The following AKAP6 variants were observed in gnomAD, a reference collection of about 807,000 sequenced individuals.
The protein encoded by AKAP6 is A-kinase anchor protein 6.
In AKAP6, 58 loss-of-function variants were observed where a neutral mutation model predicts 188.5. That is an observed-to-expected ratio of 0.31 (90% CI 0.25 to 0.38). The LOEUF (loss-of-function observed/expected upper bound fraction) is 0.38. Among genes scored for constraint, AKAP6 ranks in the 10% least tolerant of loss-of-function variants. The probability of loss-of-function intolerance (pLI) is 1.00; values close to 1 mark genes in which losing one functional copy is unlikely to be tolerated. For missense variants in AKAP6, 2,710 were observed against 2,740.0 expected, an observed-to-expected ratio of 0.99 and a Z score of 0.24; for synonymous variants, 989 against 998.6, an observed-to-expected ratio of 0.99 and a Z score of 0.18.
At chr14:32,743,101 C>A (rs1022161278) in intron 11 of AKAP6, among the ~76,000 whole-genome samples, 1 of 151,956 alleles carries the variant, frequency 6.6e-6, no homozygotes, top group Admixed American at 6.6e-5. Context: ...CTGAATTGAC[C>A]CCTTTATCAT....
At chr14:32,613,174 T>G (rs762475100) in intron 7 of AKAP6, among the ~76,000 whole-genome samples, 53 of 152,352 alleles carry the variant, frequency 3.5e-4, no homozygotes, top group Admixed American at 7.2e-4. Flanking sequence ...TCTCTCTGTT[T>G]TATACTAGAC....
At chr14:32,612,416 A>G (rs918423143) in intron 7 of AKAP6, among the ~76,000 whole-genome samples, 1 of 152,184 alleles carries the variant, frequency 6.6e-6, no homozygotes, top group Non-Finnish European at 1.5e-5. Context: ...TTTTAAAGCT[A>G]AAGACAGAAC....
intron 2 of AKAP6, among the ~76,000 whole-genome samples, chr14:32,482,371 AG>A (rs1879397516): frequency 6.7e-6 from 1 of 148,880 alleles, no homozygotes; most frequent in Non-Finnish European, 1.5e-5. Flanking sequence ...CATACTTTTG[AG>A]CTTTTGCACT....
chr14:32,783,347 G>GT (rs1175884659), intron 12 of AKAP6, among the ~76,000 whole-genome samples: 1 of 152,022 alleles, frequency 6.6e-6, no homozygotes, highest in Non-Finnish European at 1.5e-5. Context: ...ATAATAAAGG[G>GT]TAACGAGAAA....
intron 2 of AKAP6, among the ~76,000 whole-genome samples, chr14:32,441,740 A>G (rs1194489568): frequency 1.3e-5 from 2 of 152,230 alleles, no homozygotes; most frequent in Non-Finnish European, 2.9e-5. Context: ...TTATTTGTCA[A>G]GGTGGCTCAG....
intron 1 of AKAP6, among the ~76,000 whole-genome samples, chr14:32,356,503 C>T (rs530763103): frequency 6.6e-6 from 1 of 152,212 alleles, no homozygotes; most frequent in Admixed American, 6.5e-5. Flanking sequence ...TTGTTCCCTT[C>T]AGTACTCCCT....
intron 7 of AKAP6, among the ~76,000 whole-genome samples, chr14:32,645,468 A>G (rs916255225): frequency 3.3e-5 from 5 of 152,206 alleles, no homozygotes; most frequent in African/African-American, 4.8e-5. Context: ...AATTTTTTAC[A>G]GACGGAGTCT....
intron 7 of AKAP6, among the ~76,000 whole-genome samples, chr14:32,667,656 A>G (rs923718049): frequency 2.0e-5 from 3 of 152,158 alleles, no homozygotes; most frequent in African/African-American, 7.2e-5. Context: ...GGATATAGGC[A>G]CTGAGCTGAG....
intron 1 of AKAP6, among the ~76,000 whole-genome samples, chr14:32,382,255 C>T (rs892159956): frequency 6.6e-6 from 1 of 151,006 alleles, no homozygotes; most frequent in Non-Finnish European, 1.5e-5. Flanking sequence ...CTGCTTGGAG[C>T]CTACCCCTCT....
At chr14:32,715,813 A>G (rs2030164995) in intron 9 of AKAP6, among the ~76,000 whole-genome samples, 2 of 151,956 alleles carry the variant, frequency 1.3e-5, no homozygotes, top group African/African-American at 4.8e-5. Flanking sequence ...TCAATGTTTC[A>G]TATAGTGAAG....
rs1308996401 is a variant in AKAP6, at chr14:32,577,167, C to T, written c.2394C>T (p.Ala798=). 3 of 1,612,102 alleles carry T rather than the reference C, an allele frequency of 1.9e-6. No homozygotes were observed. The highest frequency in any genetic ancestry group is 1.1e-5 in the South Asian group (1 of 90,816). The change falls in exon 5 of 14, where the codon GCC becomes GCT. Residue 798 remains alanine, a synonymous_variant. Coordinates refer to ENST00000280979, the MANE Select transcript of AKAP6 (RefSeq NM_004274.5). ...AATTCATTCAATGGTTAAATGAAGC[C>T]ATGGAAACTACAGAAAATTGGACTC... ...LDEFIQWLNE[A]METTENWTPP...
rs570575900 is a variant in AKAP6, at chr14:32,329,318, A to G, written c.-125A>G. On this transcript the variant is annotated 5_prime_UTR_variant, in exon 1 of 14. Coordinates refer to ENST00000280979, the MANE Select transcript of AKAP6 (RefSeq NM_004274.5). ...GCATCATCTGAACTGATGTCACAGCATCATGCAGCAGGTCAAACAAGGCAT... is the reference window on the plus strand; with the variant it reads ...GCATCATCTGAACTGATGTCACAGCGTCATGCAGCAGGTCAAACAAGGCAT... 1 of 152,282 alleles carries G rather than the reference A, an allele frequency of 6.6e-6. No homozygotes were observed. The highest frequency in any genetic ancestry group is 2.1e-4 in the South Asian group (1 of 4,828). 9.4% of individuals were successfully genotyped at this position (152,282 alleles called of 1,614,324 possible).
At chr14:32,619,887 C>T (rs773172506) in intron 7 of AKAP6, among the ~76,000 whole-genome samples, 1 of 151,948 alleles carries the variant, frequency 6.6e-6, no homozygotes, top group Non-Finnish European at 1.5e-5. Flanking sequence ...GATTTTTCAC[C>T]TCCTTGGTTA....
rs931574125 is a variant in AKAP6 at position 32,573,250 on chromosome 14, T to C, written c.2347-3870T>C. Among the ~76,000 whole-genome samples, 68 of 152,220 alleles carry C rather than the reference T, an allele frequency of 4.5e-4. 2 individuals are homozygous for C. Among genetic ancestry groups the C allele is most frequent in the Admixed American group, 2.6e-4 (4 of 15,284 alleles). On this transcript the variant is annotated intron_variant, in intron 4 of 13. Coordinates refer to ENST00000280979, the MANE Select transcript of AKAP6 (RefSeq NM_004274.5). ...CCTTTCAAAGGTTTGTAATTCAGCC[T>C]GTGGCAGAGAGTAGAACATGCATAA...
Position 32,568,490 on chromosome 14 carries a change from T to A in AKAP6, c.2347-8630T>A, listed in dbSNP as rs960862459. On this transcript the variant is annotated intron_variant, in intron 4 of 13. Transcript: ENST00000280979. This position sits in a 1 kb window ranked among gnomAD's most constrained non-coding sequence, Gnocchi z 6.2. ...TATGAAAAACCTACAATTAAACCAT[T>A]AAACTATCATAATCCTAAATTCTAA... 6.6e-6 allele frequency among the ~76,000 whole-genome samples: 1 copy of A among 152,176 alleles called. No individual in the cohort carries two copies. The highest frequency in any genetic ancestry group is 2.4e-5 in the African/African-American group (1 of 41,440).
chr14:32,664,883 C>G (rs1888854535), intron 7 of AKAP6, among the ~76,000 whole-genome samples: 1 of 152,078 alleles, frequency 6.6e-6, no homozygotes, highest in Admixed American at 6.6e-5. Flanking sequence ...CTTGGAGGTA[C>G]TTTTTCATGC....
At chr14:32,383,994 G>T (rs992448167) in intron 1 of AKAP6, among the ~76,000 whole-genome samples, 1 of 152,190 alleles carries the variant, frequency 6.6e-6, no homozygotes, top group Non-Finnish European at 1.5e-5. Flanking sequence ...CATTGTGCAT[G>T]TAAGTGACCA....
At chr14:32,812,767 CA>C (rs1409536803) in intron 12 of AKAP6, among the ~76,000 whole-genome samples, 2 of 152,198 alleles carry the variant, frequency 1.3e-5, no homozygotes, top group African/African-American at 4.8e-5. Flanking sequence ...ATAATACTAT[CA>C]ACACTGAGGT....
At chr14:32,637,510 A>G (rs924585736) in intron 7 of AKAP6, among the ~76,000 whole-genome samples, 9 of 152,082 alleles carry the variant, frequency 5.9e-5, no homozygotes, top group African/African-American at 2.2e-4. Context: ...TTGTTATTTT[A>G]TTTTTGTTTT....
Sources: allele counts gnomAD v4.1 joint callset (sites outside exome capture counted in the v4.1 genomes callset), GRCh38; gene constraint gnomAD v4.1.1; non-coding constraint Gnocchi (gnomAD v3.1); transcripts MANE v1.5; gene names NCBI Gene and HGNC (gene_info 2026-07-23, HGNC 2026-07-21).